LINGO1: variants seen among roughly 807,000 people sequenced by gnomAD.
LINGO1 encodes the protein leucine rich repeat and Ig domain containing 1, also known as leucine-rich repeat and immunoglobulin-like domain-containing nogo receptor-interacting protein 1.
Under a neutral mutation model 37.3 loss-of-function variants are expected in LINGO1, and 11 were observed. The ratio of observed to expected loss-of-function variants is 0.29; its 90% confidence interval spans 0.19 to 0.49. The LOEUF is 0.49. Among genes scored for constraint, LINGO1 ranks in the 20% least tolerant of loss-of-function variants. The probability of loss-of-function intolerance (pLI) is 0.99; values close to 1 mark genes in which losing one functional copy is unlikely to be tolerated. For synonymous variants in LINGO1, 387 were observed against 403.0 expected (o/e 0.96, Z 0.48); for missense variants, 585 against 878.2 (o/e 0.67, Z 4.22).
intron 2 of LINGO1, among the ~76,000 whole-genome samples, chr15:77,690,557 T>C (rs1438572257): frequency 6.6e-6 from 1 of 152,262 alleles, no homozygotes; most frequent in Non-Finnish European, 1.5e-5. Flanking sequence ...TAACTTCATT[T>C]TAATGAAATA....
intron 1 of LINGO1, among the ~76,000 whole-genome samples, chr15:77,692,975 T>C (rs900626325): frequency 2.3e-4 from 35 of 152,336 alleles, no homozygotes; most frequent in Middle Eastern, 6.8e-3. Flanking sequence ...TGCATGAACA[T>C]GGCCCACAGG....
At chr15:77,814,213 C>A (rs1296991474) in intron 1 of LINGO1, among the ~76,000 whole-genome samples, 4 of 152,280 alleles carry the variant, frequency 2.6e-5, no homozygotes, top group African/African-American at 9.6e-5. Context: ...CTCCCCCAGT[C>A]TCCACCCCAG....
chr15:77,622,106 G>A (rs2073941019), intron 1 of LINGO1, among the ~76,000 whole-genome samples: 1 of 152,186 alleles, frequency 6.6e-6, no homozygotes. Flanking sequence ...GAGGGAGCGG[G>A]GAGGATGGCA....
At chr15:77,685,970 T>C (rs1396994572) in intron 2 of LINGO1, among the ~76,000 whole-genome samples, 1 of 152,148 alleles carries the variant, frequency 6.6e-6, no homozygotes, top group Non-Finnish European at 1.5e-5. Context: ...TCCTGGGGCC[T>C]GGGCTTCCCC....
At chr15:77,696,660 C>T (rs1258121875), upstream of LINGO1, among the ~76,000 whole-genome samples, 2 of 152,240 alleles carry the variant, frequency 1.3e-5, no homozygotes, top group East Asian at 3.9e-4. Flanking sequence ...CCTCCCTGCC[C>T]CCTATCTCTG....
At chr15:77,694,399 A>G (rs111550643) in intron 1 of LINGO1, among the ~76,000 whole-genome samples, 2 of 152,206 alleles carry the variant, frequency 1.3e-5, no homozygotes, top group Admixed American at 6.5e-5. Context: ...CATCAGCCTC[A>G]GATTCTCCGT....
At chr15:77,625,183 G>C (rs1218358910) in intron 1 of LINGO1, among the ~76,000 whole-genome samples, 1 of 152,198 alleles carries the variant, frequency 6.6e-6, no homozygotes, top group Non-Finnish European at 1.5e-5. Context: ...CAGCCTCACA[G>C]ACTGAGGCTG....
At chr15:77,724,819 G>A (rs776426013) in intron 2 of LINGO1, among the ~76,000 whole-genome samples, 6 of 152,156 alleles carry the variant, frequency 3.9e-5, no homozygotes, top group African/African-American at 1.2e-4. Flanking sequence ...TTCAGGGGCT[G>A]AACCATGCCC....
chr15:77,683,354 G>C (rs1417467239), intron 2 of LINGO1, among the ~76,000 whole-genome samples: 1 of 152,290 alleles, frequency 6.6e-6, no homozygotes, highest in South Asian at 2.1e-4. Flanking sequence ...CCGGCCACTC[G>C]CATCTAGAAA....
chr15:77,732,590 C>A (rs748607448), intron 2 of LINGO1, among the ~76,000 whole-genome samples: 12 of 152,230 alleles, frequency 7.9e-5, no homozygotes, highest in African/African-American at 2.4e-4. Context: ...GGACTGAGGT[C>A]CCTTCTGGAG....
At chr15:77,622,576 T>TC (rs1216007938) in intron 1 of LINGO1, among the ~76,000 whole-genome samples, 1 of 152,194 alleles carries the variant, frequency 6.6e-6, no homozygotes, top group Non-Finnish European at 1.5e-5. Flanking sequence ...ACTTGTCCTC[T>TC]CCCCAAGTCC....
At chr15:77,678,309 C>A (rs1243786944) in intron 2 of LINGO1, among the ~76,000 whole-genome samples, 2 of 152,142 alleles carry the variant, frequency 1.3e-5, no homozygotes, top group Non-Finnish European at 2.9e-5. Context: ...CCCCCAAATC[C>A]CGGCATGCTG....
chr15:77,672,725 A>C (rs2141208531), intron 3 of LINGO1, among the ~76,000 whole-genome samples: 1 of 152,336 alleles, frequency 6.6e-6, no homozygotes, highest in African/African-American at 2.4e-5. Flanking sequence ...CCGACCCTGA[A>C]GAATTGCAGT....
In LINGO1 at chr15:77,632,380, C is replaced by T. The variant is rs2074283257; in HGVS notation, c.-65G>A. 1.5e-6 allele frequency: 2 copies of T among 1,352,810 alleles called. No homozygotes were observed. Among genetic ancestry groups the T allele is most frequent in the Non-Finnish European group, 1.9e-6 (2 of 1,047,956 alleles). The allele number at this position is 1,352,810 out of a possible 1,614,324, so 83.8% of individuals were successfully genotyped here. On this transcript the variant is annotated 5_prime_UTR_variant, in exon 1 of 2. Coordinates refer to ENST00000355300, the MANE Select transcript of LINGO1 (RefSeq NM_032808.7). This position sits in a 1 kb window ranked among gnomAD's most constrained non-coding sequence, Gnocchi z 6.0. ...CGCATGTCTCTCCAGCCGGCCCGAC[C>T]AGGCCCCAGCCCCTGCCCAGCCCCC... is the stretch of plus-strand genomic sequence containing the variant.
At chr15:77,619,257 G>A (rs1438601913) in intron 1 of LINGO1, among the ~76,000 whole-genome samples, 3 of 152,150 alleles carry the variant, frequency 2.0e-5, no homozygotes, top group East Asian at 1.9e-4. Flanking sequence ...ACAGACCCCC[G>A]TGAATGTTCT....
At chr15:77,723,540 C>T (rs963629346) in intron 2 of LINGO1, among the ~76,000 whole-genome samples, 3 of 152,340 alleles carry the variant, frequency 2.0e-5, no homozygotes, top group Non-Finnish European at 4.4e-5. Context: ...GCACCACCTA[C>T]GAGGCAACTG....
At chr15:77,664,189 G>C (rs1018485701) in intron 3 of LINGO1, among the ~76,000 whole-genome samples, 3 of 151,404 alleles carry the variant, frequency 2.0e-5, no homozygotes, top group Admixed American at 1.3e-4. Context: ...GCATGCGTTT[G>C]CATTCTCAGC....
chr15:77,670,798 C>T (rs557701221), intron 3 of LINGO1, among the ~76,000 whole-genome samples: 1 of 152,334 alleles, frequency 6.6e-6, no homozygotes, highest in African/African-American at 2.4e-5. Flanking sequence ...GGAAGATGGG[C>T]ACAAGAAGGC....
intron 3 of LINGO1, among the ~76,000 whole-genome samples, chr15:77,639,821 T>G (rs1349250509): frequency 6.6e-6 from 1 of 152,164 alleles, no homozygotes; most frequent in Non-Finnish European, 1.5e-5. Flanking sequence ...CGCAGGACAG[T>G]GATTAACACC....
Sources: gnomAD v4.1 joint callset for allele counts (sites outside exome capture counted in the v4.1 genomes callset) on GRCh38, gnomAD v4.1.1 for gene constraint, Gnocchi (gnomAD v3.1) non-coding constraint, MANE v1.5 for transcripts, NCBI Gene and HGNC (gene_info 2026-07-23, HGNC 2026-07-21) for gene names.